The following CDK8 variants were observed in gnomAD, a reference collection of about 807,000 sequenced individuals.
The protein encoded by CDK8 is cyclin dependent kinase 8.
CDK8 carries 29 observed loss-of-function variants against 71.5 expected under a neutral mutation model. That is an observed-to-expected ratio of 0.41 (90% CI 0.30 to 0.55). The LOEUF (loss-of-function observed/expected upper bound fraction) is 0.55, where lower values mean the gene tolerates loss of function less well. Ranked by LOEUF, CDK8 falls within the 20% of genes least tolerant of loss-of-function variation. CDK8 has a pLI of 0.37. For missense variants in CDK8, 288 were observed against 572.6 expected (o/e 0.50, Z 5.07); for synonymous variants, 161 against 192.1 (o/e 0.84, Z 1.34).
chr13:26,261,859 T>C (rs1412353830), intron 1 of CDK8, among the ~76,000 whole-genome samples: 3 of 152,210 alleles, frequency 2.0e-5, no homozygotes, highest in Non-Finnish European at 4.4e-5. Context: ...AGAACCAATT[T>C]TGAGTGACTT....
chr13:26,369,319 G>T (rs569702079), intron 4 of CDK8, among the ~76,000 whole-genome samples: 2 of 150,984 alleles, frequency 1.3e-5, no homozygotes, highest in African/African-American at 2.4e-5. Flanking sequence ...GTGTGGTGAT[G>T]CATGCCTGTG....
At chr13:26,316,221 A>G (rs1874505721) in intron 1 of CDK8, among the ~76,000 whole-genome samples, 1 of 152,150 alleles carries the variant, frequency 6.6e-6, no homozygotes, top group Non-Finnish European at 1.5e-5. Flanking sequence ...TTAGCTGGGC[A>G]TGGTTGCACA....
At chr13:26,364,728 TTTATGTTGGTAAAGGGCGATTG>T (rs1874304455) in intron 4 of CDK8, among the ~76,000 whole-genome samples, 1 of 152,206 alleles carries the variant, frequency 6.6e-6, no homozygotes, top group African/African-American at 2.4e-5. Context: ...TTTAGTATAT[TTTATGTTGGTAAAGGGCGATTG>T]TTATTTTTAA....
intron 5 of CDK8, among the ~76,000 whole-genome samples, chr13:26,383,591 G>A (rs1224915085): frequency 1.3e-5 from 2 of 151,950 alleles, no homozygotes; most frequent in African/African-American, 4.8e-5. Context: ...TGTTTAAATT[G>A]TATTAATTTA....
intron 1 of CDK8, among the ~76,000 whole-genome samples, chr13:26,302,477 G>T (rs1324714194): frequency 6.6e-6 from 1 of 152,128 alleles, no homozygotes; most frequent in Admixed American, 6.5e-5. Flanking sequence ...GACAGATAGG[G>T]CAGCTAAGGA....
At chr13:26,274,949 G>A (rs1872507024) in intron 1 of CDK8, among the ~76,000 whole-genome samples, 1 of 152,056 alleles carries the variant, frequency 6.6e-6, no homozygotes, top group African/African-American at 2.4e-5. Flanking sequence ...CAAAATTACA[G>A]TTAAAATTTT....
intron 6 of CDK8, among the ~76,000 whole-genome samples, chr13:26,391,858 T>C (rs1875761000): frequency 6.6e-6 from 1 of 152,250 alleles, no homozygotes; most frequent in African/African-American, 2.4e-5. Flanking sequence ...CTTGTTACTT[T>C]GAAATGTAAA....
At chr13:26,279,966 A>G (rs1872679292) in intron 1 of CDK8, among the ~76,000 whole-genome samples, 1 of 150,256 alleles carries the variant, frequency 6.7e-6, no homozygotes, top group African/African-American at 2.4e-5. Flanking sequence ...TCAGAAGAAA[A>G]TTGTGTGTGT....
chr13:26,256,524 C>G (rs1325245228), intron 1 of CDK8, among the ~76,000 whole-genome samples: 6 of 152,094 alleles, frequency 3.9e-5, no homozygotes, highest in Non-Finnish European at 8.8e-5. Context: ...TCATAAATTA[C>G]CAATTTAAGC....
At chr13:26,304,722 G>C (rs1434673489) in intron 1 of CDK8, among the ~76,000 whole-genome samples, 1 of 152,012 alleles carries the variant, frequency 6.6e-6, no homozygotes, top group East Asian at 1.9e-4. Context: ...CTGTAAACTT[G>C]AAATCCTGGG....
chr13:26,360,455 TC>T (rs1432272698), intron 4 of CDK8, among the ~76,000 whole-genome samples: 2 of 152,168 alleles, frequency 1.3e-5, no homozygotes, highest in East Asian at 1.9e-4. Context: ...AATCCCCTCA[TC>T]CCTTCATCTT....
chr13:26,298,925 TC>T (rs1315398631), intron 1 of CDK8, among the ~76,000 whole-genome samples: 2 of 152,088 alleles, frequency 1.3e-5, no homozygotes, highest in Non-Finnish European at 2.9e-5. Context: ...AGAAACCCTG[TC>T]CTAAGAGCAC....
At chr13:26,346,992 G>C (rs1873485777) in intron 2 of CDK8, among the ~76,000 whole-genome samples, 1 of 152,150 alleles carries the variant, frequency 6.6e-6, no homozygotes, top group African/African-American at 2.4e-5. Flanking sequence ...TCCAGTATTT[G>C]AAGCACATTT....
chr13:26,363,157 T>TA (rs551583949), intron 4 of CDK8, among the ~76,000 whole-genome samples: 5,267 of 137,454 alleles, frequency 0.038, 111 homozygotes, highest in Admixed American at 0.045. Context: ...CCATCTCTGC[T>TA]AAAAAAAAAA....
At chr13:26,275,088 C>T (rs116499718) in intron 1 of CDK8, among the ~76,000 whole-genome samples, 262 of 152,308 alleles carry the variant, frequency 1.7e-3, no homozygotes, top group African/African-American at 5.7e-3. Context: ...CATTACCCTA[C>T]ATTCCCAACT....
At chr13:26,325,811 A>T (rs1436397345) in intron 1 of CDK8, among the ~76,000 whole-genome samples, 1 of 152,114 alleles carries the variant, frequency 6.6e-6, no homozygotes, top group East Asian at 1.9e-4. Context: ...TTTTGGCCAG[A>T]TTCAGGGTAT....
chr13:26,289,090 C>T (rs1221271726), intron 1 of CDK8, among the ~76,000 whole-genome samples: 9 of 110,214 alleles, frequency 8.2e-5, no homozygotes, highest in African/African-American at 2.5e-4. Context: ...CAGTCTTGCT[C>T]TGTGGCCAGG....
Position 26,330,217 on chromosome 13 carries a change from A to AT in CDK8, c.129-7342dup, listed in dbSNP as rs997494390. 4.7e-4 allele frequency among the ~76,000 whole-genome samples: 72 copies of AT among 151,952 alleles called. 1 individual carries two copies. The highest frequency in any genetic ancestry group is 2.9e-4 in the African/African-American group (12 of 41,458). Reference sequence around the variant, plus strand: ...AATGTTGAATTTATTTCATTTATTTATTTTTTTTATGAGACAGAGTCTCTG... The same window carrying AT: ...AATGTTGAATTTATTTCATTTATTTATTTTTTTTTATGAGACAGAGTCTCTG... On this transcript the variant is annotated intron_variant, in intron 1 of 12. Coordinates refer to ENST00000381527, the MANE Select transcript of CDK8 (RefSeq NM_001260.3).
At chr13:26,329,483 G>GTTTTTTT (rs543441898) in intron 1 of CDK8, among the ~76,000 whole-genome samples, 5 of 128,472 alleles carry the variant, frequency 3.9e-5, no homozygotes, top group South Asian at 2.4e-4. Flanking sequence ...TTTTTTTTTT[G>GTTTTTTT]TTTTTTTTTT....
Sources: allele counts gnomAD v4.1 joint callset (sites outside exome capture counted in the v4.1 genomes callset), GRCh38; gene constraint gnomAD v4.1.1; transcripts MANE v1.5; gene names NCBI Gene and HGNC (gene_info 2026-07-23, HGNC 2026-07-21).